The following CFAP53 variants were observed in gnomAD, a reference collection of about 807,000 sequenced individuals.
CFAP53 encodes cilia- and flagella-associated protein 53.
A neutral mutation model predicts 59.7 loss-of-function variants in CFAP53; 62 were observed. The observed-to-expected ratio is 1.04, with a 90% CI of 0.85 to 1.28. The LOEUF is 1.28. CFAP53 is among the 50% of genes most tolerant of loss of function. The pLI is 0.00. For missense variants in CFAP53, 629 were observed against 615.6 expected, an observed-to-expected ratio of 1.02 and a Z score of -0.23; for synonymous variants, 218 against 205.7, an observed-to-expected ratio of 1.06 and a Z score of -0.51.
intron 3 of CFAP53, among the ~76,000 whole-genome samples, chr18:50,254,928 T>C (rs2033834070): frequency 6.6e-6 from 1 of 152,184 alleles, no homozygotes; most frequent in South Asian, 2.1e-4. Context: ...GATCCAGCAA[T>C]AGTATATGAT....
At chr18:50,259,003 T>C (rs2033868460) in intron 3 of CFAP53, among the ~76,000 whole-genome samples, 1 of 152,226 alleles carries the variant, frequency 6.6e-6, no homozygotes, top group Admixed American at 6.5e-5. Context: ...GTACACTGTT[T>C]GTGGGAATGT....
intron 6 of CFAP53, 115 bp downstream of exon 6, chr18:50,242,785 T>C (rs2033703147): frequency 1.2e-6 from 1 of 861,870 alleles, no homozygotes; most frequent in Admixed American, 2.2e-5. Flanking sequence ...GCCTTCATCC[T>C]TTTTGCATCC....
intron 6 of CFAP53, among the ~76,000 whole-genome samples, chr18:50,239,747 C>A (rs1009084619): frequency 6.6e-6 from 1 of 151,808 alleles, no homozygotes; most frequent in South Asian, 2.1e-4. Context: ...AAAATATAGA[C>A]CATAAAACAG....
intron 1 of CFAP53, among the ~76,000 whole-genome samples, chr18:50,263,326 C>T (rs540930750): frequency 6.6e-6 from 1 of 152,304 alleles, no homozygotes; most frequent in African/African-American, 2.4e-5. Flanking sequence ...GAGAGTCAAT[C>T]TGATCTTTTA....
intron 7 of CFAP53, among the ~76,000 whole-genome samples, chr18:50,235,202 T>C (rs1049018969): frequency 6.6e-6 from 1 of 152,218 alleles, no homozygotes; most frequent in Non-Finnish European, 1.5e-5. Flanking sequence ...GATTCCTTTC[T>C]GGCACAGCTA....
At chr18:50,258,020 C>T (rs2033860480) in intron 3 of CFAP53, among the ~76,000 whole-genome samples, 1 of 152,064 alleles carries the variant, frequency 6.6e-6, no homozygotes, top group Non-Finnish European at 1.5e-5. Context: ...GGGCAACATA[C>T]ACTCCAGGCT....
chr18:50,235,184 T>A (rs1048285968), intron 7 of CFAP53, among the ~76,000 whole-genome samples: 2 of 152,064 alleles, frequency 1.3e-5, no homozygotes, highest in Middle Eastern at 6.8e-3. Flanking sequence ...CAAAAAGGAG[T>A]TCCTGAAGAT....
intron 7 of CFAP53, among the ~76,000 whole-genome samples, chr18:50,236,652 C>A (rs1382270806): frequency 6.6e-6 from 1 of 152,164 alleles, no homozygotes; most frequent in Non-Finnish European, 1.5e-5. Context: ...ACTAAAACTC[C>A]TAGTTGATAA....
chr18:50,242,859 T>C, intron 6 of CFAP53, 41 bp downstream of exon 6: 1 of 1,529,674 alleles, frequency 6.5e-7, no homozygotes, highest in Non-Finnish European at 9.0e-7. Flanking sequence ...TTAAATTGAA[T>C]TAAGGGCAAG....
At chr18:50,227,659 G>T (rs2033538684) in intron 7 of CFAP53, 50 bp from the exon 8 acceptor site, 2 of 1,308,212 alleles carry the variant, frequency 1.5e-6, no homozygotes, top group East Asian at 4.6e-5. Flanking sequence ...TAAGCATTTA[G>T]ATTTATTCAG....
chr18:50,240,757 C>T (rs1034559763), intron 6 of CFAP53, among the ~76,000 whole-genome samples: 2 of 152,178 alleles, frequency 1.3e-5, no homozygotes, highest in African/African-American at 4.8e-5. Flanking sequence ...CAATTTTCTA[C>T]TGCTATTGTA....
At chr18:50,265,768 C>G (rs1260985557) in intron 1 of CFAP53, among the ~76,000 whole-genome samples, 1 of 152,238 alleles carries the variant, frequency 6.6e-6, no homozygotes, top group African/African-American at 2.4e-5. Context: ...ACCACTCCAG[C>G]CTTAGAGGCA....
At chr18:50,256,194 T>C (rs1456916057) in intron 3 of CFAP53, 1 of 152,240 alleles carries the variant, frequency 6.6e-6, no homozygotes, top group Non-Finnish European at 1.5e-5. Flanking sequence ...CATTTTGTTT[T>C]CTTAATATGT....
intron 5 of CFAP53, among the ~76,000 whole-genome samples, chr18:50,245,242 C>T (rs527244427): frequency 3.9e-4 from 58 of 150,326 alleles, no homozygotes; most frequent in African/African-American, 1.2e-3. Context: ...ATTAGCCAGG[C>T]GCGGTGGTGG....
At chr18:50,246,187 G>A (rs1317317342) in intron 5 of CFAP53, among the ~76,000 whole-genome samples, 1 of 152,188 alleles carries the variant, frequency 6.6e-6, no homozygotes, top group African/African-American at 2.4e-5. Flanking sequence ...ACTGCACCAG[G>A]CCAGGATTTA....
intron 3 of CFAP53, among the ~76,000 whole-genome samples, chr18:50,255,576 C>CAA (rs71169497): frequency 3.6e-4 from 54 of 150,166 alleles, no homozygotes; most frequent in Middle Eastern, 3.5e-3. Context: ...AAATTAAATA[C>CAA]AAAAAAAAAC....
At chr18:50,254,930 G>A (rs1336350242) in intron 3 of CFAP53, among the ~76,000 whole-genome samples, 1 of 152,172 alleles carries the variant, frequency 6.6e-6, no homozygotes, top group African/African-American at 2.4e-5. Context: ...TCCAGCAATA[G>A]TATATGATAA....
chr18:50,228,791 C>T (rs2033551790), intron 7 of CFAP53, among the ~76,000 whole-genome samples: 1 of 151,892 alleles, frequency 6.6e-6, no homozygotes, highest in African/African-American at 2.4e-5. Context: ...AACTCCATCT[C>T]AAAAACAAAC....
chr18:50,266,489 GA>G lies in CFAP53; in HGVS notation c.-86del. 1.4e-6 allele frequency: 2 copies of G among 1,386,610 alleles called. No homozygotes were observed. The highest frequency in any genetic ancestry group is 2.3e-5 in the South Asian group (2 of 86,590). The allele number at this position is 1,386,610 out of a possible 1,614,324, so 85.9% of individuals were successfully genotyped here. On this transcript the variant is annotated 5_prime_UTR_variant, in exon 1 of 8. Coordinates refer to ENST00000398545, the MANE Select transcript of CFAP53 (RefSeq NM_145020.5). ...CTGCGGGACCCGCTTCCGCGACGCA[GA>G]AGTCTGGTTGCCATGGTGCGCCTCG...
Sources: gnomAD v4.1 joint callset for allele counts (sites outside exome capture counted in the v4.1 genomes callset) on GRCh38, gnomAD v4.1.1 for gene constraint, MANE v1.5 for transcripts, NCBI Gene and HGNC (gene_info 2026-07-23, HGNC 2026-07-21) for gene names.